Variants in SMYD3 observed in about 807,000 individuals in gnomAD.
SMYD3 encodes histone-lysine N-methyltransferase SMYD3.
In SMYD3, 36 loss-of-function variants were observed where a neutral mutation model predicts 57.7. The observed-to-expected ratio is 0.62, with a 90% CI of 0.48 to 0.82. The LOEUF (loss-of-function observed/expected upper bound fraction) is 0.82, where lower values mean the gene tolerates loss of function less well. SMYD3 is among the 40% of genes least tolerant of loss of function. SMYD3 has a pLI of 0.00. For synonymous variants in SMYD3, 211 were observed against 195.0 expected, an observed-to-expected ratio of 1.08 and a Z score of -0.68; for missense variants, 515 against 538.8, an observed-to-expected ratio of 0.96 and a Z score of 0.44.
intron 5 of SMYD3, among the ~76,000 whole-genome samples, chr1:246,040,702 G>A (rs1488367987): frequency 6.6e-6 from 1 of 152,198 alleles, no homozygotes; most frequent in Non-Finnish European, 1.5e-5. Context: ...TTGAAAAGGT[G>A]CTGAGGTGGT....
chr1:246,193,466 T>G (rs185956438), intron 5 of SMYD3, among the ~76,000 whole-genome samples: 77 of 152,314 alleles, frequency 5.1e-4, no homozygotes, highest in Middle Eastern at 3.4e-3. Context: ...TCAATAAAAC[T>G]CTAGACTAAG....
intron 5 of SMYD3, among the ~76,000 whole-genome samples, chr1:245,971,638 G>C (rs142557171): frequency 1.3e-5 from 2 of 152,178 alleles, no homozygotes; most frequent in Non-Finnish European, 1.5e-5. Context: ...GATGTCCCTT[G>C]AAGGCCGCAG....
chr1:245,814,057 TAAAG>T (rs1003714651), intron 10 of SMYD3, among the ~76,000 whole-genome samples: 2 of 151,794 alleles, frequency 1.3e-5, no homozygotes, highest in South Asian at 2.1e-4. Flanking sequence ...ATTTTTATAA[TAAAG>T]AAAAATAAAC....
chr1:245,826,565 C>A (rs1331794230), intron 10 of SMYD3, among the ~76,000 whole-genome samples: 1 of 152,142 alleles, frequency 6.6e-6, no homozygotes, highest in Admixed American at 6.5e-5. Context: ...ATTTCCCACG[C>A]CAAGTTTCTT....
intron 5 of SMYD3, among the ~76,000 whole-genome samples, chr1:246,009,905 C>T (rs540124248): frequency 1.8e-4 from 12 of 64,934 alleles, no homozygotes; most frequent in Non-Finnish European, 3.8e-4. Context: ...CGCTTCGTGT[C>T]GTGAGATCAA....
chr1:246,012,261 G>A (rs985253511), intron 5 of SMYD3, among the ~76,000 whole-genome samples: 1 of 152,098 alleles, frequency 6.6e-6, no homozygotes. Flanking sequence ...ACCCAAGCAT[G>A]TTTTCAATAA....
intron 10 of SMYD3, among the ~76,000 whole-genome samples, chr1:245,835,898 T>C (rs778086302): frequency 1.3e-5 from 2 of 152,198 alleles, no homozygotes; most frequent in African/African-American, 2.4e-5. Flanking sequence ...ACGTGACTTG[T>C]TAGCGTTAAC....
At chr1:245,913,742 T>C (rs970936231) in intron 8 of SMYD3, among the ~76,000 whole-genome samples, 1 of 151,920 alleles carries the variant, frequency 6.6e-6, no homozygotes, top group African/African-American at 2.4e-5. Flanking sequence ...GGAACTAATA[T>C]CCAGAATATA....
chr1:246,053,626 C>T lies in SMYD3; in HGVS notation c.532-123689G>A, dbSNP rs549597348. Among the ~76,000 whole-genome samples, 5 of 152,136 alleles carry T rather than the reference C, an allele frequency of 3.3e-5. No individual in the cohort carries two copies. In the South Asian group the frequency reaches 1.0e-3, roughly 32 times the overall value. ...ATTTGTGTGGAGAATCAAGAAAACC[C>T]TTATGCCATAACATATTCAAAAGTT... On this transcript the variant is annotated intron_variant, in intron 5 of 11. Transcript: ENST00000490107.
At chr1:246,463,470 A>G (rs765079408) in intron 1 of SMYD3, among the ~76,000 whole-genome samples, 14 of 152,032 alleles carry the variant, frequency 9.2e-5, no homozygotes, top group Non-Finnish European at 1.8e-4. Context: ...AAACATGTGG[A>G]ATTTCCAGCT....
intron 3 of SMYD3, among the ~76,000 whole-genome samples, chr1:246,334,779 T>G (rs1014716418): frequency 1.3e-5 from 2 of 152,138 alleles, no homozygotes; most frequent in African/African-American, 4.8e-5. Context: ...ATTAACTGAT[T>G]AAAAATTAAC....
chr1:246,248,735 G>C (rs940711053), intron 5 of SMYD3, among the ~76,000 whole-genome samples: 1 of 145,600 alleles, frequency 6.9e-6, no homozygotes, highest in East Asian at 2.1e-4. Flanking sequence ...TCTGTCTCCC[G>C]GGTTCACGCC....
intron 10 of SMYD3, among the ~76,000 whole-genome samples, chr1:245,766,025 T>C (rs2046077534): frequency 1.3e-5 from 2 of 152,166 alleles, no homozygotes; most frequent in East Asian, 3.8e-4. Context: ...ACACTTTTTT[T>C]TTCATTCATG....
chr1:245,926,138 C>T lies in SMYD3; in HGVS notation c.702+1793G>A, dbSNP rs181052403. On this transcript the variant is annotated intron_variant, in intron 7 of 11. Coordinates refer to ENST00000490107, the MANE Select transcript of SMYD3 (RefSeq NM_001167740.2). The stretch of plus-strand genomic sequence containing the variant: ...AAGCCACCAATCTCATCATGGGGTT[C>T]CCACCCTGATAACCTTATCTAATCT... 1.3e-4 allele frequency among the ~76,000 whole-genome samples: 20 copies of T among 152,286 alleles called. No homozygotes were observed. In the East Asian group the frequency reaches 3.3e-3, roughly 25 times the overall value.
chr1:246,290,148 T>C (rs1342842049), intron 5 of SMYD3, among the ~76,000 whole-genome samples: 1 of 152,150 alleles, frequency 6.6e-6, no homozygotes, highest in Non-Finnish European at 1.5e-5. Flanking sequence ...GAGAGGAAAT[T>C]GGACTGGGGA....
At chr1:245,821,736 G>GA (rs1337842556) in intron 10 of SMYD3, among the ~76,000 whole-genome samples, 1 of 151,934 alleles carries the variant, frequency 6.6e-6, no homozygotes, top group African/African-American at 2.4e-5. Context: ...AGTGGGCAAA[G>GA]GACATGAACA....
At chr1:246,322,798 G>A (rs967910962) in intron 5 of SMYD3, among the ~76,000 whole-genome samples, 3 of 152,150 alleles carry the variant, frequency 2.0e-5, no homozygotes, top group African/African-American at 4.8e-5. Flanking sequence ...TTATCACTCA[G>A]CATCCCCTCC....
At chr1:246,497,163 C>T (rs61839830) in intron 1 of SMYD3, among the ~76,000 whole-genome samples, 32,907 of 152,094 alleles carry the variant, frequency 0.22, 3,702 homozygotes, top group Middle Eastern at 0.28. Flanking sequence ...TCAACAAGCA[C>T]AATTTTCCCT....
intron 5 of SMYD3, among the ~76,000 whole-genome samples, chr1:245,960,283 T>C (rs1014290560): frequency 2.0e-5 from 3 of 152,248 alleles, no homozygotes; most frequent in African/African-American, 7.2e-5. Context: ...TGAATCCTCC[T>C]TGTTGTAAGG....
Sources: allele counts gnomAD v4.1 joint callset (sites outside exome capture counted in the v4.1 genomes callset), GRCh38; gene constraint gnomAD v4.1.1; transcripts MANE v1.5; gene names NCBI Gene and HGNC (gene_info 2026-07-23, HGNC 2026-07-21).